The following PLEKHA6 variants were observed in gnomAD, a reference collection of about 807,000 sequenced individuals.
PLEKHA6 encodes pleckstrin homology domain-containing family A member 6.
PLEKHA6 carries 60 observed loss-of-function variants against 116.7 expected under a neutral mutation model. The observed-to-expected ratio is 0.51, with a 90% CI of 0.42 to 0.64. The LOEUF (loss-of-function observed/expected upper bound fraction) is 0.64, where lower values mean the gene tolerates loss of function less well. Ranked by LOEUF, PLEKHA6 falls within the 30% of genes least tolerant of loss-of-function variation. PLEKHA6 has a pLI of 0.00. For missense variants in PLEKHA6, 1,338 were observed against 1,422.7 expected (o/e 0.94, Z 0.96); for synonymous variants, 489 against 556.1 (o/e 0.88, Z 1.70).
rs764629206 is a variant in PLEKHA6, at chr1:204,268,270, A to C, written c.145T>G (p.Ser49Ala). 6.2e-7 allele frequency: 1 copy of C among 1,612,394 alleles called. No individual in the cohort carries two copies. The highest frequency in any genetic ancestry group is 1.1e-5 in the South Asian group (1 of 90,830). ...ARKAVAFGKR[S>A]HSMKRNPNAP... ...TTGGGGTTCCGCTTCATGGAGTGTG[A>C]GCGCTTGCCAAAGGCGACGGCTTTG... The change falls in exon 4 of 23, where the codon TCA (serine) becomes GCA (alanine). Residue 49 changes from serine (S) to alanine (A), a missense_variant. This residue lies in a region of PLEKHA6 where 140 missense variants were observed against 197.4 expected (regional missense o/e 0.71). Coordinates refer to ENST00000272203, the MANE Select transcript of PLEKHA6 (RefSeq NM_014935.5).
chr1:204,372,146 T>C (rs1673789426), intron 1 of PLEKHA6, among the ~76,000 whole-genome samples: 1 of 152,196 alleles, frequency 6.6e-6, no homozygotes, highest in Admixed American at 6.5e-5. Context: ...TTCACGACAT[T>C]CCCTCACACT....
intron 1 of PLEKHA6, among the ~76,000 whole-genome samples, chr1:204,286,828 C>T (rs531348983): frequency 6.6e-6 from 1 of 152,266 alleles, no homozygotes; most frequent in South Asian, 2.1e-4. Flanking sequence ...TATCCCCGTT[C>T]CTCTCCTATA....
At chr1:204,363,113 G>A (rs1487694756), upstream of PLEKHA6, among the ~76,000 whole-genome samples, 2 of 152,238 alleles carry the variant, frequency 1.3e-5, no homozygotes, top group Admixed American at 6.5e-5. Context: ...GCCTTCTGGA[G>A]ACAACAGAAC....
intron 7 of PLEKHA6, among the ~76,000 whole-genome samples, chr1:204,260,483 T>C (rs559539385): frequency 1.3e-5 from 2 of 152,386 alleles, no homozygotes; most frequent in Admixed American, 1.3e-4. Flanking sequence ...TGCACATTTA[T>C]ATTTACAGTA....
rs188199402 is a variant in PLEKHA6, at chr1:204,302,744, C to T, written c.-94-27935G>A. Among the ~76,000 whole-genome samples the T allele has an allele frequency of 2.7e-3, 413 of 152,204 alleles. 5 individuals carry two copies. The highest frequency in any genetic ancestry group is 9.7e-3 in the African/African-American group (401 of 41,514). On this transcript the variant is annotated intron_variant, in intron 1 of 22. Transcript: ENST00000272203. ...ATACAAAATTATCTGAGCGTGGTGGCGCATGCCTGTAATCCCAGCTGCTTG... is the reference window on the plus strand; with the variant it reads ...ATACAAAATTATCTGAGCGTGGTGGTGCATGCCTGTAATCCCAGCTGCTTG...
intron 17 of PLEKHA6, among the ~76,000 whole-genome samples, chr1:204,230,879 A>G (rs1450805588): frequency 6.6e-6 from 1 of 152,242 alleles, no homozygotes; most frequent in African/African-American, 2.4e-5. Context: ...GGAGGCAGAG[A>G]TCGGAGTGGT....
intron 1 of PLEKHA6, among the ~76,000 whole-genome samples, chr1:204,279,788 C>A (rs981607349): frequency 1.3e-5 from 2 of 152,216 alleles, no homozygotes; most frequent in Non-Finnish European, 2.9e-5. Context: ...AGGAATATGA[C>A]TTTATTTCTT....
intron 1 of PLEKHA6, among the ~76,000 whole-genome samples, chr1:204,332,076 C>T (rs1193168868): frequency 2.0e-5 from 3 of 152,126 alleles, no homozygotes; most frequent in Non-Finnish European, 2.9e-5. Context: ...TCCTGAGGGG[C>T]GGAGTGCTGG....
At position 204,257,554 on chromosome 1, in the gene PLEKHA6, A is replaced by G. The variant is rs1665501552; in HGVS notation, c.1323T>C (p.Ser441=). The part of the protein sequence containing the change: ...PVYYDELDAA[S]SSLRRLSLQP... ...GCAGGGACAGGCGGCGCAGGGAGCT[A>G]GAGGCGGCATCCAGCTCATCATAAT... is the stretch of plus-strand genomic sequence containing the variant. Residue 441 remains serine, a synonymous_variant, in exon 9 of 23, where the codon TCT becomes TCC. Transcript: ENST00000272203. The surrounding 1 kb of genome is among the most constrained non-coding windows in gnomAD (Gnocchi z 6.5). 1.3e-6 allele frequency: 2 copies of G among 1,599,894 alleles called. No individual in the cohort carries two copies. Among genetic ancestry groups the G allele is most frequent in the East Asian group, 2.3e-5 (1 of 44,438 alleles).
chr1:204,230,599 GA>G lies in PLEKHA6; in HGVS notation c.2410-14del. ...TCTTGGGGCGTTCCTGCTGCCATGG[GA>G]AAACAGGGCTCTGACAAGTGCCTTA... On this transcript the variant is annotated splice_polypyrimidine_tract_variant and intron_variant, in intron 17 of 22. Transcript: ENST00000272203. 1 of 1,592,104 alleles carries G rather than the reference GA, an allele frequency of 6.3e-7. No homozygotes were observed. The highest frequency in any genetic ancestry group is 8.6e-7 in the Non-Finnish European group (1 of 1,168,978).
intron 1 of PLEKHA6, among the ~76,000 whole-genome samples, chr1:204,291,419 C>T (rs1669742368): frequency 6.6e-6 from 1 of 152,156 alleles, no homozygotes; most frequent in Admixed American, 6.5e-5. Context: ...TGACTTCACT[C>T]CTAGGCATTT....
chr1:204,328,347 G>A (rs1318065529), intron 1 of PLEKHA6, among the ~76,000 whole-genome samples: 2 of 151,016 alleles, frequency 1.3e-5, no homozygotes, highest in African/African-American at 4.9e-5. Flanking sequence ...CACCCAAAGT[G>A]CTGGGACTAC....
chr1:204,357,288 G>A (rs975578257), intron 1 of PLEKHA6, among the ~76,000 whole-genome samples: 3 of 152,148 alleles, frequency 2.0e-5, no homozygotes, highest in Non-Finnish European at 2.9e-5. Flanking sequence ...GCTGAGGAAG[G>A]CTCATCTGGA....
Position 204,251,656 on chromosome 1 carries a change from G to A in PLEKHA6, c.1525-1042C>T, listed in dbSNP as rs923753006. 18 of 697,264 alleles carry A rather than the reference G, an allele frequency of 2.6e-5. No homozygotes were observed. The Admixed American group carries it at 2.8e-4, about 11-fold the overall frequency. 43.2% of individuals were successfully genotyped at this position (697,264 alleles called of 1,614,324 possible). A position where few individuals can be genotyped will look rare whatever the true frequency, so the allele number is the denominator to read the frequency against. On this transcript the variant is annotated intron_variant, in intron 9 of 22. Transcript: ENST00000272203. The stretch of plus-strand genomic sequence containing the variant: ...GGACTATTCACACTCCGACCTACAT[G>A]TAGGTATCTCCCCTTCACCCACCTG...
intron 3 of PLEKHA6, among the ~76,000 whole-genome samples, chr1:204,271,414 T>G (rs1667439360): frequency 6.6e-6 from 1 of 152,196 alleles, no homozygotes; most frequent in African/African-American, 2.4e-5. Flanking sequence ...TGGTCTTTAT[T>G]ATAAAGTACT....
intron 1 of PLEKHA6, among the ~76,000 whole-genome samples, chr1:204,333,511 C>T (rs1672533894): frequency 6.6e-6 from 1 of 152,228 alleles, no homozygotes; most frequent in Non-Finnish European, 1.5e-5. Flanking sequence ...TGCAGCTTCA[C>T]ATAACCCAAA....
chr1:204,264,064 C>T (rs1251970370), intron 6 of PLEKHA6, among the ~76,000 whole-genome samples: 1 of 152,096 alleles, frequency 6.6e-6, no homozygotes, highest in African/African-American at 2.4e-5. Flanking sequence ...CCTACAGATC[C>T]AGTCATCTAA....
chr1:204,320,775 G>A (rs7549429), intron 1 of PLEKHA6, among the ~76,000 whole-genome samples: 40,245 of 152,096 alleles, frequency 0.26, 5,863 homozygotes, highest in East Asian at 0.63. Flanking sequence ...CTTGGAGCTC[G>A]ATCTCTAGGG....
intron 3 of PLEKHA6, among the ~76,000 whole-genome samples, chr1:204,366,090 C>T (rs922714238): frequency 2.0e-5 from 3 of 152,160 alleles, no homozygotes; most frequent in Admixed American, 6.5e-5. Context: ...TCATGGGACA[C>T]GAGGTCAGAG....
Sources: gnomAD v4.1 joint callset for allele counts (sites outside exome capture counted in the v4.1 genomes callset) on GRCh38, gnomAD v4.1.1 for gene constraint, gnomAD v4.1.1 regional missense constraint, Gnocchi (gnomAD v3.1) non-coding constraint, MANE v1.5 for transcripts, NCBI Gene and HGNC (gene_info 2026-07-23, HGNC 2026-07-21) for gene names.